Variants in CSRP1 observed in about 807,000 individuals in gnomAD.
The protein encoded by CSRP1 is cysteine and glycine rich protein 1, also known as cysteine and glycine-rich protein 1.
In CSRP1, 16 loss-of-function variants were observed where a neutral mutation model predicts 25.4. The ratio of observed to expected loss-of-function variants is 0.63; its 90% CI spans 0.43 to 0.96. The LOEUF is 0.96. Among genes scored for constraint, CSRP1 ranks in the 40% least tolerant of loss-of-function variants. The probability of loss-of-function intolerance (pLI) is 0.00; values close to 1 mark genes in which losing one functional copy is unlikely to be tolerated. For synonymous variants in CSRP1, 97 were observed against 95.3 expected, an observed-to-expected ratio of 1.02 and a Z score of -0.10; for missense variants, 212 against 243.6, an observed-to-expected ratio of 0.87 and a Z score of 0.86.
At position 201,500,731 on chromosome 1, in the gene CSRP1, C is replaced by G. The variant is rs894689759; in HGVS notation, c.-1-4427G>C. ...GCTCAGCTGGAGGGAACCCTGGCAA[C>G]AGGCAGGGCTCAGTCTTCACTCCAC... On this transcript the variant is annotated intron_variant, in intron 1 of 5. Transcript: ENST00000340006. Among the ~76,000 whole-genome samples, 6 of 152,362 alleles carry G rather than the reference C, an allele frequency of 3.9e-5. No homozygotes were observed. The East Asian group carries it at 1.2e-3, about 29-fold the overall frequency.
rs183704243 is a variant in CSRP1, at chr1:201,484,413, G to A, written c.*300C>T. 5 of 516,976 alleles carry A rather than the reference G, an allele frequency of 9.7e-6. No individual in the cohort carries two copies. The highest frequency in any genetic ancestry group is 1.7e-5 in the Non-Finnish European group (5 of 289,086). The allele number at this position is 516,976 out of a possible 1,614,324, so 32.0% of individuals were successfully genotyped here. A position where few individuals can be genotyped will look rare whatever the true frequency, so the allele number is the denominator to read the frequency against. On this transcript the variant is annotated 3_prime_UTR_variant, in exon 6 of 6. Transcript: ENST00000340006. Reference sequence around the variant, plus strand: ...CTGATGATGGACACGCAGCACAGGAGGCTAAGAACAGAGCTCTGTGGGGCG... The same window carrying A: ...CTGATGATGGACACGCAGCACAGGAAGCTAAGAACAGAGCTCTGTGGGGCG...
intron 1 of CSRP1, among the ~76,000 whole-genome samples, chr1:201,501,088 G>T (rs530431627): frequency 6.6e-6 from 1 of 152,272 alleles, no homozygotes; most frequent in South Asian, 2.1e-4. Flanking sequence ...CTCTAAAATG[G>T]ACCGTATATG....
chr1:201,493,084 T>A (rs1016067494), intron 2 of CSRP1, among the ~76,000 whole-genome samples: 2 of 152,166 alleles, frequency 1.3e-5, no homozygotes, highest in African/African-American at 4.8e-5. Context: ...GATGGGCACA[T>A]AACCTCAGGG....
At chr1:201,486,114 G>A (rs1354245777) in intron 4 of CSRP1, 1 of 155,156 alleles carries the variant, frequency 6.4e-6, no homozygotes, top group Non-Finnish European at 1.4e-5. Context: ...TTCAGAGGCT[G>A]GGCTGGTCCA....
At chr1:201,494,006 G>C (rs1019549727) in intron 2 of CSRP1, among the ~76,000 whole-genome samples, 9 of 152,140 alleles carry the variant, frequency 5.9e-5, no homozygotes, top group African/African-American at 2.2e-4. Context: ...TTGGTGCTCT[G>C]ATATCCAATA....
chr1:201,501,610 G>A (rs1664671686), intron 1 of CSRP1, among the ~76,000 whole-genome samples: 1 of 152,178 alleles, frequency 6.6e-6, no homozygotes, highest in Admixed American at 6.5e-5. Context: ...CCTCAGCCTT[G>A]AGACAAGAAA....
At chr1:201,496,397 GGAGA>G in intron 1 of CSRP1, 93 bp from the exon 2 acceptor site, 2 of 1,101,292 alleles carry the variant, frequency 1.8e-6, no homozygotes, top group Non-Finnish European at 1.4e-6. Context: ...CAGATCCAGA[GGAGA>G]GAAAGACAAA....
At position 201,484,315 on chromosome 1, in the gene CSRP1, G is replaced by A; in HGVS notation, c.*398C>T. 2.0e-6 allele frequency: 1 copy of A among 509,086 alleles called. No individual in the cohort carries two copies. Among genetic ancestry groups the A allele is most frequent in the Non-Finnish European group, 3.5e-6 (1 of 283,988 alleles). The allele number at this position is 509,086 out of a possible 1,614,324, so 31.5% of individuals were successfully genotyped here. ...CTTCCCCCCTCCTCATCTTGGTCTTGCTTCCCTCTCCCTCCAGCCTGTTGC... is the reference window on the plus strand; with the variant it reads ...CTTCCCCCCTCCTCATCTTGGTCTTACTTCCCTCTCCCTCCAGCCTGTTGC... On this transcript the variant is annotated 3_prime_UTR_variant, in exon 6 of 6. Transcript: ENST00000340006.
At chr1:201,490,693 T>C (rs777442887) in intron 2 of CSRP1, 1 of 192,736 alleles carries the variant, frequency 5.2e-6, no homozygotes, top group Non-Finnish European at 1.1e-5. Flanking sequence ...AGGACGCCTG[T>C]TGAGGTTCCT....
rs1457625547 is a variant in CSRP1 at position 201,496,294 on chromosome 1, A to C, written c.10T>G (p.Trp4Gly). Residue 4 changes from tryptophan to glycine, a missense_variant, in exon 2 of 6, where the codon TGG becomes GGG. Physicochemically the swap from Trp to Gly is radical, Grantham distance 184 (BLOSUM62 -2). Transcript: ENST00000340006. MPNWGGGKKCGVCQ... is the reference protein window; with the variant it reads MPNGGGGKKCGVCQ... ...ACCCCACATTTCTTGCCTCCTCCCC[A>C]GTTCGGCATTCTGAAAAGGGACACA... 5 of 1,613,800 alleles carry C rather than the reference A, an allele frequency of 3.1e-6. No individual in the cohort carries two copies. The highest frequency in any genetic ancestry group is 1.1e-5 in the South Asian group (1 of 91,090).
At position 201,494,076 on chromosome 1, in the gene CSRP1, C is replaced by A. The variant is rs192958188; in HGVS notation, c.112+2116G>T. ...GACTGCTTCCTGCGGCTGCTCATTG[C>A]ATAACACCCCCGCACCCCGCCAAGA... On this transcript the variant is annotated intron_variant, in intron 2 of 5. Transcript: ENST00000340006. Among the ~76,000 whole-genome samples, 5 of 152,158 alleles carry A rather than the reference C, an allele frequency of 3.3e-5. No individual in the cohort carries two copies. In the East Asian group the frequency reaches 9.7e-4, roughly 29 times the overall value.
At chr1:201,496,650 G>A (rs1239166758) in intron 1 of CSRP1, 4 of 298,188 alleles carry the variant, frequency 1.3e-5, no homozygotes, top group Admixed American at 9.4e-5. Context: ...CCCTACACAC[G>A]TCAACATGGA....
chr1:201,483,717 T>G lies in CSRP1; in HGVS notation c.*996A>C. ...GGGGCCTGGCAGGGGTGGAGTGATG[T>G]GATCTAAGGGTCCCTGGAGAAGGGT... On this transcript the variant is annotated 3_prime_UTR_variant, in exon 6 of 6. Coordinates refer to ENST00000340006, the MANE Select transcript of CSRP1 (RefSeq NM_004078.3). 2.9e-6 allele frequency: 1 copy of G among 350,060 alleles called. No individual in the cohort carries two copies. The highest frequency in any genetic ancestry group is 6.1e-5 in the South Asian group (1 of 16,426). 21.7% of individuals were successfully genotyped at this position (350,060 alleles called of 1,614,324 possible). A position where few individuals can be genotyped will look rare whatever the true frequency, so the allele number is the denominator to read the frequency against.
intron 1 of CSRP1, among the ~76,000 whole-genome samples, chr1:201,502,775 G>T (rs967491886): frequency 2.0e-5 from 3 of 152,108 alleles, no homozygotes; most frequent in Admixed American, 6.5e-5. Context: ...TGACAAGGGC[G>T]GTATATGTCT....
At chr1:201,504,512 C>T (rs998710000) in intron 1 of CSRP1, among the ~76,000 whole-genome samples, 1 of 152,202 alleles carries the variant, frequency 6.6e-6, no homozygotes, top group Non-Finnish European at 1.5e-5. Flanking sequence ...CTCTTTGGAT[C>T]CCAAAATATT....
intron 1 of CSRP1, among the ~76,000 whole-genome samples, chr1:201,501,260 T>C (rs1664663150): frequency 6.6e-6 from 1 of 152,206 alleles, no homozygotes; most frequent in African/African-American, 2.4e-5. Flanking sequence ...ATGTAGCTAG[T>C]CCACATATGG....
At chr1:201,505,503 CCTG>C (rs917782458) in intron 1 of CSRP1, among the ~76,000 whole-genome samples, 5 of 57,838 alleles carry the variant, frequency 8.6e-5, no homozygotes. Flanking sequence ...TAGTTTCTCT[CCTG>C]CTTCTTCTTC....
At chr1:201,501,669 C>A (rs1016024886) in intron 1 of CSRP1, among the ~76,000 whole-genome samples, 2 of 152,114 alleles carry the variant, frequency 1.3e-5, no homozygotes, top group Admixed American at 6.6e-5. Context: ...AGAAAAAGGT[C>A]ACAGACTCTC....
At chr1:201,491,375 G>A (rs1664334366) in intron 2 of CSRP1, 1 of 152,176 alleles carries the variant, frequency 6.6e-6, no homozygotes, top group Non-Finnish European at 1.5e-5. Context: ...TCAAATCCCA[G>A]CTCTCTCCCT....
Sources: gnomAD v4.1 joint callset for allele counts (sites outside exome capture counted in the v4.1 genomes callset) on GRCh38, gnomAD v4.1.1 for gene constraint, MANE v1.5 for transcripts, NCBI Gene and HGNC (gene_info 2026-07-23, HGNC 2026-07-21) for gene names.